The following KANK1 variants were observed in gnomAD, a reference collection of about 807,000 sequenced individuals.
KANK1 encodes KN motif and ankyrin repeat domains 1.
Under a neutral mutation model 106.2 loss-of-function variants are expected in KANK1, and 109 were observed. The ratio of observed to expected loss-of-function variants is 1.03; its 90% confidence interval spans 0.88 to 1.20. The LOEUF is 1.20. Ranked by LOEUF, KANK1 falls within the 50% of genes most tolerant of loss-of-function variation. KANK1 has a pLI of 0.00. For synonymous variants in KANK1, 873 were observed against 652.2 expected (o/e 1.34, Z -5.16); for missense variants, 2,399 against 1,710.7 (o/e 1.40, Z -7.10).
chr9:598,016 G>A (rs2641994), intron 1 of KANK1, among the ~76,000 whole-genome samples: 1 of 151,678 alleles, frequency 6.6e-6, no homozygotes, highest in African/African-American at 2.4e-5. Context: ...TACTTAGGTT[G>A]TTAATTCATT....
upstream of KANK1, among the ~76,000 whole-genome samples, chr9:504,038 C>T (rs2058620233): frequency 6.6e-6 from 1 of 152,180 alleles, no homozygotes. Context: ...AGGTTTCTGG[C>T]CGCCGGGGCG....
chr9:701,699 T>A (rs368619166), intron 2 of KANK1, among the ~76,000 whole-genome samples: 134 of 152,238 alleles, frequency 8.8e-4, no homozygotes, highest in Middle Eastern at 3.4e-3. Flanking sequence ...TTTGGTTGGT[T>A]TAAAAGAAAA....
At chr9:742,584 A>C (rs771592988) in intron 10 of KANK1, among the ~76,000 whole-genome samples, 179 bp downstream of exon 10, 10 of 152,182 alleles carry the variant, frequency 6.6e-5, no homozygotes, top group Non-Finnish European at 1.2e-4. Context: ...TGTGTGTGCA[A>C]ACTAACACGC....
At chr9:661,109 A>G (rs750456406) in intron 1 of KANK1, among the ~76,000 whole-genome samples, 1 of 152,016 alleles carries the variant, frequency 6.6e-6, no homozygotes, top group African/African-American at 2.4e-5. Flanking sequence ...TCCAGTTTTA[A>G]TGTTATGTGT....
At chr9:476,717 G>C (rs575565989) in intron 3 of KANK1, 3 of 152,238 alleles carry the variant, frequency 2.0e-5, no homozygotes, top group South Asian at 2.1e-4. Context: ...CACACTAAGA[G>C]ATTTATCTTC....
chr9:692,373 C>G (rs1820167501), intron 2 of KANK1, among the ~76,000 whole-genome samples: 1 of 152,012 alleles, frequency 6.6e-6, no homozygotes, highest in African/African-American at 2.4e-5. Flanking sequence ...AATAAACCAA[C>G]AGATTAAAAA....
At chr9:741,241 C>A (rs1835405910) in intron 9 of KANK1, among the ~76,000 whole-genome samples, 1 of 139,814 alleles carries the variant, frequency 7.2e-6, no homozygotes, top group Non-Finnish European at 1.7e-5. Context: ...CCATCAGATG[C>A]TCAGTGACTG....
At chr9:513,079 A>G (rs950573560) in intron 1 of KANK1, among the ~76,000 whole-genome samples, 3 of 152,214 alleles carry the variant, frequency 2.0e-5, no homozygotes, top group Non-Finnish European at 4.4e-5. Flanking sequence ...CTCTTGTTAA[A>G]ACACTCCAGC....
intron 1 of KANK1, among the ~76,000 whole-genome samples, chr9:545,929 G>A (rs1361996632): frequency 6.6e-6 from 1 of 151,798 alleles, no homozygotes. Flanking sequence ...TGTATTTTTA[G>A]TAGAGACAGG....
chr9:628,717 T>A (rs1834953037), intron 1 of KANK1, among the ~76,000 whole-genome samples: 1 of 152,140 alleles, frequency 6.6e-6, no homozygotes, highest in Non-Finnish European at 1.5e-5. Flanking sequence ...GCCATCCCTT[T>A]CTGCATGGCG....
chr9:587,925 G>C (rs1033736730), intron 1 of KANK1, among the ~76,000 whole-genome samples: 4 of 152,158 alleles, frequency 2.6e-5, no homozygotes, highest in African/African-American at 9.7e-5. Flanking sequence ...AATTAGCTGG[G>C]CGTGGTGGCA....
intron 1 of KANK1, among the ~76,000 whole-genome samples, chr9:618,227 G>C (rs1222372754): frequency 6.6e-6 from 1 of 151,880 alleles, no homozygotes; most frequent in Non-Finnish European, 1.5e-5. Flanking sequence ...ATTTATTTAC[G>C]AGACAGAGTC....
At chr9:490,620 A>C (rs1034468877) in intron 3 of KANK1, among the ~76,000 whole-genome samples, 2 of 152,238 alleles carry the variant, frequency 1.3e-5, no homozygotes, top group African/African-American at 4.8e-5. Flanking sequence ...AGATAATTTC[A>C]TTATCAAATT....
At chr9:657,194 G>A (rs1039974730) in intron 1 of KANK1, among the ~76,000 whole-genome samples, 1 of 152,210 alleles carries the variant, frequency 6.6e-6, no homozygotes, top group African/African-American at 2.4e-5. Flanking sequence ...GTTGTAGCAT[G>A]TGATAGAATT....
At chr9:635,715 T>TTTTTTTTTTTTTTTG in intron 1 of KANK1, among the ~76,000 whole-genome samples, 1 of 146,088 alleles carries the variant, frequency 6.8e-6, no homozygotes, top group Non-Finnish European at 1.5e-5. Flanking sequence ...TTTTTTTTTT[T>TTTTTTTTTTTTTTTG]TGAGACGGAG....
chr9:618,226 C>G (rs76191291), intron 1 of KANK1, among the ~76,000 whole-genome samples: 2 of 152,134 alleles, frequency 1.3e-5, no homozygotes, highest in South Asian at 2.1e-4. Flanking sequence ...TATTTATTTA[C>G]GAGACAGAGT....
At position 681,940 on chromosome 9, in the gene KANK1, G is replaced by C. The variant is rs147464831; in HGVS notation, c.37+4931G>C. ...TGCAGCCTGGATATATATTTTTTCAGACAGATACATATTTATTTATTAAAG... is the reference window on the plus strand; with the variant it reads ...TGCAGCCTGGATATATATTTTTTCACACAGATACATATTTATTTATTAAAG... On this transcript the variant is annotated intron_variant, in intron 2 of 11. Coordinates refer to ENST00000382297, the MANE Select transcript of KANK1 (RefSeq NM_015158.5). 6.7e-3 allele frequency among the ~76,000 whole-genome samples: 1,020 copies of C among 152,014 alleles called. 17 individuals carry two copies. Among genetic ancestry groups the C allele is most frequent in the African/African-American group, 0.023 (963 of 41,424 alleles).
chr9:535,783 C>G (rs1047667240), intron 1 of KANK1, among the ~76,000 whole-genome samples: 3 of 152,134 alleles, frequency 2.0e-5, no homozygotes, highest in Non-Finnish European at 2.9e-5. Context: ...TATTTATGTT[C>G]TCTCTACCAT....
At chr9:499,886 T>C (rs2058520812), upstream of KANK1, among the ~76,000 whole-genome samples, 3 of 152,332 alleles carry the variant, frequency 2.0e-5, no homozygotes, top group South Asian at 6.2e-4. Context: ...AGAAGTACTT[T>C]ATGAAAATGT....
Sources: gnomAD v4.1 joint callset for allele counts (sites outside exome capture counted in the v4.1 genomes callset) on GRCh38, gnomAD v4.1.1 for gene constraint, MANE v1.5 for transcripts, NCBI Gene and HGNC (gene_info 2026-07-23, HGNC 2026-07-21) for gene names.